Variants in KCNIP4 observed in about 807,000 individuals in gnomAD.
The protein encoded by KCNIP4 is Kv channel-interacting protein 4.
Under a neutral mutation model 34.0 loss-of-function variants are expected in KCNIP4, and 12 were observed. That is an observed-to-expected ratio of 0.35 (90% CI 0.23 to 0.57). The LOEUF (loss-of-function observed/expected upper bound fraction) is 0.57. Among genes scored for constraint, KCNIP4 ranks in the 20% least tolerant of loss-of-function variants. The pLI, the probability that KCNIP4 is intolerant of heterozygous loss-of-function variation, is 0.83. For synonymous variants in KCNIP4, 124 were observed against 102.2 expected, an observed-to-expected ratio of 1.21 and a Z score of -1.29; for missense variants, 238 against 311.7, an observed-to-expected ratio of 0.76 and a Z score of 1.78.
intron 1 of KCNIP4, among the ~76,000 whole-genome samples, chr4:21,669,278 A>T (rs76252695): frequency 0.013 from 1,946 of 152,144 alleles, 80 homozygotes; most frequent in East Asian, 0.086. Context: ...GTGCGTGCCA[A>T]CGTAGAGACA....
chr4:20,799,426 T>C (rs997073078), intron 3 of KCNIP4, among the ~76,000 whole-genome samples: 2 of 152,192 alleles, frequency 1.3e-5, no homozygotes, highest in African/African-American at 4.8e-5. Flanking sequence ...CCATGCTTTC[T>C]GGAGCTGAGA....
chr4:20,823,845 T>C (rs938221248), intron 3 of KCNIP4, among the ~76,000 whole-genome samples: 1 of 152,174 alleles, frequency 6.6e-6, no homozygotes, highest in Non-Finnish European at 1.5e-5. Context: ...AATGGAGATA[T>C]TGCAATAGTC....
At chr4:21,153,185 A>G (rs546773241) in intron 1 of KCNIP4, among the ~76,000 whole-genome samples, 16 of 152,300 alleles carry the variant, frequency 1.1e-4, no homozygotes, top group Non-Finnish European at 2.2e-4. Context: ...GGGTAAATAC[A>G]TCTATAATTT....
rs982527772 is a variant in KCNIP4, at chr4:21,168,662, A to G, written c.62-285953T>C. ...AAGAAAGATTAGGGAGATAACTAGT[A>G]TCTACTGAGTCCCCACTATATGCTC... On this transcript the variant is annotated intron_variant, in intron 1 of 8. Transcript: ENST00000382152. Among the ~76,000 whole-genome samples, 101 of 152,314 alleles carry G rather than the reference A, an allele frequency of 6.6e-4. 1 individual carries two copies. The highest frequency in any genetic ancestry group is 2.3e-3 in the African/African-American group (97 of 41,572).
chr4:21,846,929 G>C (rs1217543693), intron 1 of KCNIP4: 1 of 152,190 alleles, frequency 6.6e-6, no homozygotes, highest in Non-Finnish European at 1.5e-5. Context: ...ATGTTGGATA[G>C]AGAAGGGGAG....
intron 1 of KCNIP4, among the ~76,000 whole-genome samples, chr4:21,218,806 G>A (rs1489009027): frequency 6.6e-6 from 1 of 152,054 alleles, no homozygotes; most frequent in Non-Finnish European, 1.5e-5. Flanking sequence ...GATTTTGATT[G>A]TTTTTATAAC....
chr4:21,229,885 T>C (rs116066777), intron 1 of KCNIP4, among the ~76,000 whole-genome samples: 62 of 152,288 alleles, frequency 4.1e-4, no homozygotes, highest in African/African-American at 1.4e-3. Context: ...ACTTGTTGTA[T>C]ACAGTTTACA....
intron 1 of KCNIP4, among the ~76,000 whole-genome samples, chr4:21,876,568 G>A (rs1336997310): frequency 6.6e-6 from 1 of 151,868 alleles, no homozygotes; most frequent in Non-Finnish European, 1.5e-5. Context: ...CTGTTCGAGT[G>A]GAATTAATTT....
At chr4:21,712,705 C>T (rs1310714579) in intron 1 of KCNIP4, among the ~76,000 whole-genome samples, 1 of 152,092 alleles carries the variant, frequency 6.6e-6, no homozygotes, top group East Asian at 1.9e-4. Flanking sequence ...TACTCCGGCA[C>T]CTATAGCATA....
chr4:21,545,231 A>C (rs772861662), intron 1 of KCNIP4, among the ~76,000 whole-genome samples: 2 of 151,856 alleles, frequency 1.3e-5, no homozygotes, highest in Non-Finnish European at 2.9e-5. Context: ...GGGGAGGAAC[A>C]CTCAGTTCTG....
intron 1 of KCNIP4, among the ~76,000 whole-genome samples, chr4:21,750,587 A>G (rs1717089349): frequency 6.6e-6 from 1 of 152,198 alleles, no homozygotes; most frequent in African/African-American, 2.4e-5. Context: ...ACATATTTTG[A>G]AAACAAGTGC....
chr4:21,808,812 T>C (rs935046465), intron 1 of KCNIP4, among the ~76,000 whole-genome samples: 3 of 152,166 alleles, frequency 2.0e-5, no homozygotes. Context: ...TGGGGATGAT[T>C]CCTTTGTCTA....
chr4:21,923,468 C>A (rs1190899196), intron 1 of KCNIP4, among the ~76,000 whole-genome samples: 1 of 151,984 alleles, frequency 6.6e-6, no homozygotes, highest in Non-Finnish European at 1.5e-5. Flanking sequence ...GTAATCCCAG[C>A]TACTTTGGAG....
At chr4:21,574,455 C>A (rs1740591136) in intron 1 of KCNIP4, among the ~76,000 whole-genome samples, 1 of 151,762 alleles carries the variant, frequency 6.6e-6, no homozygotes, top group Non-Finnish European at 1.5e-5. Context: ...ATCAATGTTT[C>A]CAAGCTATTT....
chr4:20,909,345 A>T (rs1207220335), intron 1 of KCNIP4, among the ~76,000 whole-genome samples: 1 of 152,136 alleles, frequency 6.6e-6, no homozygotes, highest in Non-Finnish European at 1.5e-5. Flanking sequence ...GGCCCTTGTC[A>T]CTCAGTGCAC....
At chr4:21,295,358 G>A (rs1275714438) in intron 1 of KCNIP4, among the ~76,000 whole-genome samples, 1 of 152,116 alleles carries the variant, frequency 6.6e-6, no homozygotes, top group Non-Finnish European at 1.5e-5. Flanking sequence ...ACAATATCAG[G>A]GCGTATAAAA....
chr4:20,989,639 G>A (rs1560626656), intron 1 of KCNIP4, among the ~76,000 whole-genome samples: 1 of 152,156 alleles, frequency 6.6e-6, no homozygotes, highest in Non-Finnish European at 1.5e-5. Context: ...TTGGAGAGGA[G>A]CAGTGACTTT....
At chr4:20,899,035 T>G (rs1402712219) in intron 1 of KCNIP4, among the ~76,000 whole-genome samples, 1 of 152,186 alleles carries the variant, frequency 6.6e-6, no homozygotes, top group Non-Finnish European at 1.5e-5. Flanking sequence ...TTTTGTACAT[T>G]CTTGGCAGTT....
At chr4:21,205,553 A>C (rs1216575918) in intron 1 of KCNIP4, among the ~76,000 whole-genome samples, 1 of 152,236 alleles carries the variant, frequency 6.6e-6, no homozygotes, top group Admixed American at 6.5e-5. Flanking sequence ...TCTACTAAGA[A>C]TGTAGCTTGT....
Sources: gnomAD v4.1 joint callset for allele counts (sites outside exome capture counted in the v4.1 genomes callset) on GRCh38, gnomAD v4.1.1 for gene constraint, MANE v1.5 for transcripts, NCBI Gene and HGNC (gene_info 2026-07-23, HGNC 2026-07-21) for gene names.